THTPA: variants seen among roughly 807,000 people sequenced by gnomAD.
THTPA encodes thiamine-triphosphatase.
A neutral mutation model predicts 16.5 loss-of-function variants in THTPA; 16 were observed. That is an observed-to-expected ratio of 0.97 (90% confidence interval 0.66 to 1.47). The LOEUF (loss-of-function observed/expected upper bound fraction) is 1.47, where lower values mean the gene tolerates loss of function less well. THTPA is among the 40% of genes most tolerant of loss of function. The pLI, the probability that THTPA is intolerant of heterozygous loss-of-function variation, is 0.00. For synonymous variants in THTPA, 110 were observed against 115.5 expected (o/e 0.95, Z 0.30); for missense variants, 281 against 280.9 (o/e 1.00, Z 0.00).
In THTPA at chr14:23,557,121, G is replaced by A; in HGVS notation, c.364G>A (p.Val122Met). ...PLGLQEVASF[V>M]TKRSAWKLVL... ...GGGGCTGCAGGAAGTAGCTAGTTTT[G>A]TGACTAAGCGGAGTGCCTGGAAGCT... Residue 122 changes from valine (V) to methionine (M), a missense_variant, in exon 1 of 2, where the codon GTG becomes ATG. Transcript: ENST00000288014. 6 of 1,614,200 alleles carry A rather than the reference G, an allele frequency of 3.7e-6. No homozygotes were observed. The highest frequency in any genetic ancestry group is 4.2e-6 in the Non-Finnish European group (5 of 1,180,036).
chr14:23,558,914 C>A lies in THTPA; in HGVS notation c.*74C>A. On this transcript the variant is annotated 3_prime_UTR_variant, in exon 2 of 2. Coordinates refer to ENST00000288014, the MANE Select transcript of THTPA (RefSeq NM_024328.6). Reference sequence around the variant, plus strand: ...CACTCCTGGGCCCACTGTGCCTCTCCCCTCAGTGTCCCTTCTGACAGTGAC... The same window carrying A: ...CACTCCTGGGCCCACTGTGCCTCTCACCTCAGTGTCCCTTCTGACAGTGAC... 6.4e-7 allele frequency: 1 copy of A among 1,555,192 alleles called. No individual in the cohort carries two copies.
chr14:23,552,129 C>A (rs530577119), upstream of THTPA, among the ~76,000 whole-genome samples: 5 of 152,226 alleles, frequency 3.3e-5, no homozygotes, highest in South Asian at 6.2e-4. Flanking sequence ...CATCTCCCCC[C>A]GCGAAATTGG....
chr14:23,552,583 C>T (rs1176220638), upstream of THTPA, among the ~76,000 whole-genome samples: 1 of 150,602 alleles, frequency 6.6e-6, no homozygotes, highest in Admixed American at 6.6e-5. Flanking sequence ...GAACCACCAC[C>T]GCGCCCAGCC....
chr14:23,536,078 A>G, the THTPA span, among the ~76,000 whole-genome samples: 1 of 152,064 alleles, frequency 6.6e-6, no homozygotes. Context: ...CTCCTTCACT[A>G]ACACCATCCT....
At chr14:23,523,615 G>T in the THTPA span, 1 of 1,557,314 alleles carries the variant, frequency 6.4e-7, no homozygotes, top group Non-Finnish European at 8.6e-7. This position sits in a 1 kb window ranked among gnomAD's most constrained non-coding sequence, Gnocchi z 4.1. Context: ...ACCAGACCTG[G>T]ATGACTCTCT....
the THTPA span, chr14:23,533,339 G>A: frequency 4.2e-6 from 6 of 1,439,876 alleles, no homozygotes; most frequent in African/African-American, 1.4e-5. The surrounding 1 kb of genome is among the most constrained non-coding windows in gnomAD (Gnocchi z 4.8). Context: ...CCATTGAGAA[G>A]TAGCTGGGCT....
At chr14:23,517,760 C>T in the THTPA span, among the ~76,000 whole-genome samples, 1 of 151,968 alleles carries the variant, frequency 6.6e-6, no homozygotes, top group Non-Finnish European at 1.5e-5. Context: ...ATGTGCGTGC[C>T]CCCACTGCTG....
At chr14:23,521,831 G>A in the THTPA span, 2 of 1,446,276 alleles carry the variant, frequency 1.4e-6, no homozygotes, top group South Asian at 1.4e-5. Context: ...CTGAGGGTGG[G>A]AACTGAACAG....
At chr14:23,523,697 G>T in the THTPA span, 1 of 1,537,172 alleles carries the variant, frequency 6.5e-7, no homozygotes, top group Admixed American at 2.0e-5. This position sits in a 1 kb window ranked among gnomAD's most constrained non-coding sequence, Gnocchi z 4.1. Context: ...TTCATAGCAG[G>T]CTTTCATGAT....
chr14:23,552,443 T>C (rs1882044429), upstream of THTPA, among the ~76,000 whole-genome samples: 1 of 151,240 alleles, frequency 6.6e-6, no homozygotes, highest in Non-Finnish European at 1.5e-5. Context: ...CAGGCATGCA[T>C]CAACACACCC....
Position 23,558,688 on chromosome 14 carries a change from C to A in THTPA, c.548-7C>A. ...CATTTCTCTCCTCATTGTCCTTTTACCTGTAGGTGTGCCTGCACAGGAGAC... is the reference window on the plus strand; with the variant it reads ...CATTTCTCTCCTCATTGTCCTTTTAACTGTAGGTGTGCCTGCACAGGAGAC... On this transcript the variant is annotated splice_polypyrimidine_tract_variant and splice_region_variant and intron_variant, in intron 1 of 1. Transcript: ENST00000288014. The A allele has an allele frequency of 6.2e-7, 1 of 1,614,136 alleles. No homozygotes were observed. The highest frequency in any genetic ancestry group is 8.5e-7 in the Non-Finnish European group (1 of 1,180,018).
the THTPA span, chr14:23,527,733 C>A: frequency 2.6e-6 from 4 of 1,536,024 alleles, no homozygotes; most frequent in Non-Finnish European, 3.5e-6. Flanking sequence ...GCACTGCATG[C>A]TGGGAGAGTG....
At chr14:23,524,157 C>G in the THTPA span, 2 of 1,536,010 alleles carry the variant, frequency 1.3e-6, no homozygotes, top group South Asian at 2.4e-5. This position sits in a 1 kb window ranked among gnomAD's most constrained non-coding sequence, Gnocchi z 5.6. Flanking sequence ...GGCGGTTTCA[C>G]TGCTGGACTA....
At chr14:23,524,284 C>T in the THTPA span, 4 of 1,536,246 alleles carry the variant, frequency 2.6e-6, no homozygotes, top group African/African-American at 5.5e-5. The surrounding 1 kb of genome is among the most constrained non-coding windows in gnomAD (Gnocchi z 5.6). Flanking sequence ...TGCAGTCGAG[C>T]ATCTTGCGTG....
chr14:23,547,379 A>G, the THTPA span, among the ~76,000 whole-genome samples: 3 of 152,236 alleles, frequency 2.0e-5, no homozygotes, highest in Non-Finnish European at 4.4e-5. Flanking sequence ...GACCAATTCA[A>G]TTGTAGTTTC....
At chr14:23,524,203 C>T in the THTPA span, 1 of 1,536,312 alleles carries the variant, frequency 6.5e-7, no homozygotes, top group African/African-American at 1.4e-5. This position sits in a 1 kb window ranked among gnomAD's most constrained non-coding sequence, Gnocchi z 5.6. Flanking sequence ...ACTGGCCTTT[C>T]CTCTCCCGGG....
chr14:23,543,954 T>C, the THTPA span: 1 of 152,048 alleles, frequency 6.6e-6, no homozygotes, highest in African/African-American at 2.4e-5. Context: ...CTCAATTTAG[T>C]CTCTTCATAT....
At chr14:23,534,702 C>A in the THTPA span, 1 of 1,536,156 alleles carries the variant, frequency 6.5e-7, no homozygotes, top group Non-Finnish European at 8.7e-7. The surrounding 1 kb of genome is among the most constrained non-coding windows in gnomAD (Gnocchi z 4.5). Flanking sequence ...GCTGGTAGCT[C>A]CAGAAAGCTC....
At chr14:23,525,207 C>T in the THTPA span, 1 of 1,536,144 alleles carries the variant, frequency 6.5e-7, no homozygotes, top group Non-Finnish European at 8.7e-7. This position sits in a 1 kb window ranked among gnomAD's most constrained non-coding sequence, Gnocchi z 5.9. Flanking sequence ...CTTTCTTCCT[C>T]TTCTATGGGC....
Sources: gnomAD v4.1 joint callset for allele counts (sites outside exome capture counted in the v4.1 genomes callset) on GRCh38, gnomAD v4.1.1 for gene constraint, Gnocchi (gnomAD v3.1) non-coding constraint, MANE v1.5 for transcripts, NCBI Gene and HGNC (gene_info 2026-07-23, HGNC 2026-07-21) for gene names.